Variants in PCDHA5 observed in about 807,000 individuals in gnomAD.
The protein encoded by PCDHA5 is protocadherin alpha-5.
A neutral mutation model predicts 61.6 loss-of-function variants in PCDHA5; 43 were observed. That is an observed-to-expected ratio of 0.70 (90% CI 0.55 to 0.90). The LOEUF is 0.90. Among genes scored for constraint, PCDHA5 ranks in the 40% least tolerant of loss-of-function variants. The probability of loss-of-function intolerance (pLI) is 0.00; values close to 1 mark genes in which losing one functional copy is unlikely to be tolerated. For synonymous variants in PCDHA5, 627 were observed against 543.9 expected (o/e 1.15, Z -2.13); for missense variants, 1,298 against 1,222.7 (o/e 1.06, Z -0.92).
intron 1 of PCDHA5, among the ~76,000 whole-genome samples, chr5:140,911,053 G>A (rs2075311912): frequency 6.6e-6 from 1 of 152,090 alleles, no homozygotes. Flanking sequence ...GGGGTGGTGG[G>A]GGGTGGGTCC....
intron 3 of PCDHA5, among the ~76,000 whole-genome samples, chr5:141,005,688 C>T (rs1411519222): frequency 2.8e-5 from 3 of 107,694 alleles, no homozygotes; most frequent in African/African-American, 7.9e-5. Context: ...GGCGACAGAG[C>T]GAAACTCCGT....
chr5:140,935,435 A>G (rs1268078110), intron 1 of PCDHA5, among the ~76,000 whole-genome samples: 1 of 152,256 alleles, frequency 6.6e-6, no homozygotes, highest in Non-Finnish European at 1.5e-5. Context: ...TCAGCACTAC[A>G]GAAATAATAT....
chr5:140,927,260 T>G, intron 1 of PCDHA5: 2 of 1,614,070 alleles, frequency 1.2e-6, no homozygotes, highest in Non-Finnish European at 1.7e-6. Flanking sequence ...AACTCACCTC[T>G]CTTTCCTGCC....
intron 1 of PCDHA5, chr5:140,862,842 G>A (rs1554157108): frequency 1.7e-6 from 1 of 572,982 alleles, no homozygotes. Flanking sequence ...CGGGCATGCC[G>A]CCTCTGAGCA....
chr5:140,883,834 G>T (rs891069385), intron 1 of PCDHA5: 3 of 1,612,540 alleles, frequency 1.9e-6, no homozygotes, highest in Non-Finnish European at 2.5e-6. Context: ...CGCTGCAGCC[G>T]TTGGACCACG....
intron 3 of PCDHA5, among the ~76,000 whole-genome samples, chr5:140,986,642 T>C (rs1213431039): frequency 6.6e-6 from 1 of 152,174 alleles, no homozygotes; most frequent in Non-Finnish European, 1.5e-5. Flanking sequence ...ACATTAGTTT[T>C]AGAGTGGGAG....
chr5:140,875,002 T>C (rs1441765842), intron 1 of PCDHA5, among the ~76,000 whole-genome samples: 2 of 152,238 alleles, frequency 1.3e-5, no homozygotes, highest in African/African-American at 4.8e-5. Context: ...TCATTTTCCA[T>C]GATAAAGTGT....
At chr5:140,951,723 A>C (rs1364455679) in intron 1 of PCDHA5, among the ~76,000 whole-genome samples, 1 of 152,104 alleles carries the variant, frequency 6.6e-6, no homozygotes, top group African/African-American at 2.4e-5. Context: ...GATCCAAACC[A>C]TGTCATTCTG....
At chr5:140,916,527 C>T (rs2077599616) in intron 1 of PCDHA5, among the ~76,000 whole-genome samples, 1 of 152,162 alleles carries the variant, frequency 6.6e-6, no homozygotes, top group Non-Finnish European at 1.5e-5. Context: ...CTGGGTCCTT[C>T]CCACCAAGGC....
Position 140,821,910 on chromosome 5 carries a change from C to A in PCDHA5, c.135C>A (p.Gly45=). The change falls in exon 1 of 4, where the codon GGC becomes GGA. Residue 45 remains glycine (G), a synonymous_variant. Coordinates refer to ENST00000529859, the MANE Select transcript of PCDHA5 (RefSeq NM_018908.3). The part of the protein sequence containing the change: ...PEEAKHGTFV[G]RIAQDLGLEL... Reference sequence around the variant, plus strand: ...AAGCCAAACACGGAACCTTCGTTGGCCGCATCGCGCAGGACCTAGGGCTGG... The same window carrying A: ...AAGCCAAACACGGAACCTTCGTTGGACGCATCGCGCAGGACCTAGGGCTGG... The A allele has an allele frequency of 6.2e-7, 1 of 1,614,236 alleles. No homozygotes were observed. Among genetic ancestry groups the A allele is most frequent in the Non-Finnish European group, 8.5e-7 (1 of 1,180,042 alleles).
chr5:140,827,955 C>T, intron 1 of PCDHA5: 3 of 1,286,522 alleles, frequency 2.3e-6, no homozygotes, highest in Non-Finnish European at 3.2e-6. Flanking sequence ...ATTCAAATTT[C>T]TTCTATTACT....
In PCDHA5 at chr5:140,992,699, T is replaced by A. The variant is rs149489820; in HGVS notation, c.2500+10136T>A. Among the ~76,000 whole-genome samples the A allele has an allele frequency of 7.6e-3, 1,153 of 152,282 alleles. 6 individuals carry two copies. The highest frequency in any genetic ancestry group is 0.014 in the Middle Eastern group (4 of 294). On this transcript the variant is annotated intron_variant, in intron 3 of 3. Transcript: ENST00000529859. ...GTGTTAGGGGTTGAGGGGTGGGTAA[T>A]GTTCCTGCCAGTATTCGTAAATCCC...
chr5:140,852,926 T>C (rs1274481129), intron 1 of PCDHA5: 1 of 649,848 alleles, frequency 1.5e-6, no homozygotes, highest in Non-Finnish European at 2.0e-6. Flanking sequence ...TTGCCCAGGC[T>C]GGAGTGCAGT....
intron 3 of PCDHA5, among the ~76,000 whole-genome samples, chr5:140,996,702 T>A (rs2097740306): frequency 6.6e-6 from 1 of 152,174 alleles, no homozygotes; most frequent in African/African-American, 2.4e-5. Context: ...TGAACCTCTA[T>A]CTCTTTGATT....
chr5:140,858,271 C>G (rs782492418), intron 1 of PCDHA5: 1 of 1,597,010 alleles, frequency 6.3e-7, no homozygotes, highest in Admixed American at 1.7e-5. Flanking sequence ...TGTGCTCTAG[C>G]GCGGTGGGGA....
At chr5:140,911,158 G>A (rs1274383238) in intron 1 of PCDHA5, among the ~76,000 whole-genome samples, 1 of 152,162 alleles carries the variant, frequency 6.6e-6, no homozygotes, top group African/African-American at 2.4e-5. Context: ...TCAGACAAAT[G>A]TGGAAAGGCT....
chr5:140,964,167 C>G (rs370784169), intron 1 of PCDHA5, among the ~76,000 whole-genome samples: 1 of 152,134 alleles, frequency 6.6e-6, no homozygotes, highest in Non-Finnish European at 1.5e-5. Flanking sequence ...GTGTGAGGAA[C>G]GAAATCATTA....
rs1554150747 is a variant in PCDHA5, at chr5:140,857,851, A to G, written c.2352+33724A>G. 5 of 1,597,646 alleles carry G rather than the reference A, an allele frequency of 3.1e-6. 1 individual carries two copies. Among genetic ancestry groups the G allele is most frequent in the Non-Finnish European group, 4.3e-6 (5 of 1,167,500 alleles). ...TGCGCGCAGTGGACGCTGACTCTGG[A>G]TACAACGCGTGGCTGTCGTATGAAT... On this transcript the variant is annotated intron_variant, in intron 1 of 3. Transcript: ENST00000529859.
chr5:140,891,596 A>T (rs191602934), intron 1 of PCDHA5, among the ~76,000 whole-genome samples: 2 of 152,134 alleles, frequency 1.3e-5, no homozygotes, highest in African/African-American at 4.8e-5. Flanking sequence ...ACTCTATCCC[A>T]TCTATTTCTA....
Sources: allele counts gnomAD v4.1 joint callset (sites outside exome capture counted in the v4.1 genomes callset), GRCh38; gene constraint gnomAD v4.1.1; transcripts MANE v1.5; gene names NCBI Gene and HGNC (gene_info 2026-07-23, HGNC 2026-07-21).